The following MYRFL variants were observed in gnomAD, a reference collection of about 807,000 sequenced individuals.
The protein encoded by MYRFL is myelin regulatory factor-like protein.
Under a neutral mutation model 109.4 loss-of-function variants are expected in MYRFL, and 88 were observed. The observed-to-expected ratio is 0.80, with a 90% CI of 0.68 to 0.96. The LOEUF (loss-of-function observed/expected upper bound fraction) is 0.96, where lower values mean the gene tolerates loss of function less well. Among genes scored for constraint, MYRFL ranks in the 40% least tolerant of loss-of-function variants. The pLI is 0.00. For missense variants in MYRFL, 957 were observed against 954.9 expected (o/e 1.00, Z -0.03); for synonymous variants, 324 against 320.9 (o/e 1.01, Z -0.10).
At chr12:69,914,994 G>A (rs1367678576) in intron 13 of MYRFL, among the ~76,000 whole-genome samples, 1 of 152,216 alleles carries the variant, frequency 6.6e-6, no homozygotes, top group Non-Finnish European at 1.5e-5. Flanking sequence ...AGTGTGCTGT[G>A]CCTCACTTCT....
At chr12:69,853,373 G>T (rs1884023663) in intron 1 of MYRFL, among the ~76,000 whole-genome samples, 1 of 151,710 alleles carries the variant, frequency 6.6e-6, no homozygotes, top group Non-Finnish European at 1.5e-5. Context: ...CGGCTGCCGG[G>T]CGGAGGGGCT....
At chr12:69,922,746 T>C (rs1376417259) in intron 13 of MYRFL, among the ~76,000 whole-genome samples, 1 of 152,190 alleles carries the variant, frequency 6.6e-6, no homozygotes, top group African/African-American at 2.4e-5. Context: ...TATTATCAAA[T>C]CCAGTTGGTG....
chr12:69,876,485 C>A (rs1470030617), intron 2 of MYRFL, among the ~76,000 whole-genome samples: 3 of 151,848 alleles, frequency 2.0e-5, no homozygotes, highest in Admixed American at 6.6e-5. Flanking sequence ...GAAAAAAAAA[C>A]GAAAAGAGCT....
intron 1 of MYRFL, among the ~76,000 whole-genome samples, chr12:69,836,916 C>T (rs1189398542): frequency 6.6e-6 from 1 of 152,112 alleles, no homozygotes; most frequent in Non-Finnish European, 1.5e-5. Flanking sequence ...GTTTATTTTG[C>T]CAGTTCATTC....
intron 13 of MYRFL, among the ~76,000 whole-genome samples, chr12:69,911,963 G>A (rs1282855144): frequency 6.6e-6 from 1 of 152,168 alleles, no homozygotes; most frequent in African/African-American, 2.4e-5. Flanking sequence ...ATTCCAACCA[G>A]CCTCCTGGTA....
intron 1 of MYRFL, among the ~76,000 whole-genome samples, chr12:69,852,579 AT>A (rs61145700): frequency 0.046 from 5,136 of 112,184 alleles, 212 homozygotes; most frequent in African/African-American, 0.12. Context: ...TTAATTTTTA[AT>A]TTTTTTTTTT....
chr12:69,948,939 T>G (rs1955904952), intron 19 of MYRFL, among the ~76,000 whole-genome samples: 1 of 152,036 alleles, frequency 6.6e-6, no homozygotes, highest in Admixed American at 6.5e-5. Flanking sequence ...TTTTTGGAGG[T>G]TAAATTGGTC....
rs1458531756 is a variant in MYRFL, at chr12:69,936,154, A to C, written c.1958A>C (p.Asp653Ala). The C allele has an allele frequency of 6.6e-7, 1 of 1,523,268 alleles. No homozygotes were observed. Among genetic ancestry groups the C allele is most frequent in the South Asian group, 1.2e-5 (1 of 83,672 alleles). 94.4% of individuals were successfully genotyped at this position (1,523,268 alleles called of 1,614,324 possible). A position where few individuals can be genotyped will look rare whatever the true frequency, so the allele number is the denominator to read the frequency against. ...GCCCTCTATATACTTAGCTTAAAAG[A>C]TCAAGACCGACGTGTCCCAAATCTC... ...IVALYILSLK[D>A]QDRRVPNLPP... The change falls in exon 17 of 25, where the codon GAT becomes GCT. Residue 653 changes from aspartate (D) to alanine (A), a missense_variant. Physicochemically the swap from Asp to Ala is moderately radical, Grantham distance 126. Coordinates refer to ENST00000552032, the MANE Select transcript of MYRFL (RefSeq NM_182530.3).
chr12:69,939,812 G>A (rs1223700214), intron 19 of MYRFL, among the ~76,000 whole-genome samples: 2 of 152,176 alleles, frequency 1.3e-5, no homozygotes, highest in South Asian at 4.1e-4. Context: ...TTAGAAGAAT[G>A]TATGACTAGA....
At chr12:69,872,555 C>A (rs1300708338) in intron 2 of MYRFL, among the ~76,000 whole-genome samples, 1 of 151,908 alleles carries the variant, frequency 6.6e-6, no homozygotes, top group Non-Finnish European at 1.5e-5. Context: ...GGCTGGAGTG[C>A]GATGGCATGA....
In MYRFL at chr12:69,957,938, C is replaced by T. The variant is rs949225292; in HGVS notation, c.2567C>T (p.Thr856Ile). The T allele has an allele frequency of 7.0e-5, 107 of 1,531,938 alleles. No individual in the cohort carries two copies. The Middle Eastern group carries it at 8.3e-4, about 12-fold the overall frequency. 94.9% of individuals were successfully genotyped at this position (1,531,938 alleles called of 1,614,324 possible). The change falls in exon 23 of 25, where the codon ACA becomes ATA. Residue 856 changes from threonine to isoleucine, a missense_variant. Thr to Ile is a moderately conservative substitution (Grantham distance 89). Coordinates refer to ENST00000552032, the MANE Select transcript of MYRFL (RefSeq NM_182530.3). ...ESHREISQEM[T>I]QGYQHIWSLP... is the part of the protein sequence containing the mutation. ...CACAGAGAAATCTCCCAGGAGATGA[C>T]ACAGGTAATGTTTTCTGCCTCCTCT...
intron 22 of MYRFL, among the ~76,000 whole-genome samples, chr12:69,957,065 G>C (rs1013240258): frequency 3.9e-5 from 6 of 152,090 alleles, no homozygotes; most frequent in African/African-American, 1.4e-4. Flanking sequence ...TGAGATTGTA[G>C]GTTGCCCCAA....
intron 1 of MYRFL, among the ~76,000 whole-genome samples, chr12:69,838,971 G>A (rs747656101): frequency 1.6e-4 from 24 of 152,156 alleles, no homozygotes; most frequent in Admixed American, 2.6e-4. Context: ...AGCCACAAGT[G>A]CAGCTCTCTA....
chr12:69,931,704 C>T (rs931403094), intron 15 of MYRFL, among the ~76,000 whole-genome samples: 2 of 152,146 alleles, frequency 1.3e-5, no homozygotes, highest in Non-Finnish European at 2.9e-5. Flanking sequence ...TTATAGGAAA[C>T]TCATATTTAA....
intron 10 of MYRFL, among the ~76,000 whole-genome samples, chr12:69,902,465 G>C (rs1954225885): frequency 2.0e-5 from 3 of 152,106 alleles, no homozygotes; most frequent in African/African-American, 7.2e-5. Flanking sequence ...CTCCATCCTT[G>C]AGGAAACCAT....
chr12:69,841,044 C>T (rs1019390184), intron 1 of MYRFL, among the ~76,000 whole-genome samples: 5 of 152,288 alleles, frequency 3.3e-5, no homozygotes, highest in Non-Finnish European at 5.9e-5. Flanking sequence ...ACGTTACTTC[C>T]GTTTGAAATA....
At position 69,825,439 on chromosome 12, in the gene MYRFL, G is replaced by A. The variant is rs1031302293; in HGVS notation, c.-79G>A. On this transcript the variant is annotated 5_prime_UTR_variant, in exon 1 of 25. Coordinates refer to ENST00000552032, the MANE Select transcript of MYRFL (RefSeq NM_182530.3). ...TTTTTCAAGAGCATTCGTAGGCTTC[G>A]AATCAAAAGGACAGTACTTATTTCC... The A allele has an allele frequency of 2.2e-5, 15 of 693,272 alleles. No individual in the cohort carries two copies. Among genetic ancestry groups the A allele is most frequent in the East Asian group, 2.1e-4 (8 of 37,218 alleles). The allele number at this position is 693,272 out of a possible 1,614,324, so 42.9% of individuals were successfully genotyped here.
At chr12:69,858,007 C>G (rs1224628191) in intron 2 of MYRFL, among the ~76,000 whole-genome samples, 1 of 151,494 alleles carries the variant, frequency 6.6e-6, no homozygotes, top group Non-Finnish European at 1.5e-5. Context: ...TTTTTTTAAC[C>G]ATGCCCTTTA....
chr12:69,825,449 G>A lies in MYRFL; in HGVS notation c.-69G>A, dbSNP rs1882215064. ...GCATTCGTAGGCTTCGAATCAAAAG[G>A]ACAGTACTTATTTCCTGAGGTCTGA... On this transcript the variant is annotated 5_prime_UTR_variant, in exon 1 of 25. Transcript: ENST00000552032. The A allele has an allele frequency of 2.9e-6, 2 of 696,970 alleles. No homozygotes were observed. The allele number at this position is 696,970 out of a possible 1,614,324, so 43.2% of individuals were successfully genotyped here.
Sources: allele counts gnomAD v4.1 joint callset (sites outside exome capture counted in the v4.1 genomes callset), GRCh38; gene constraint gnomAD v4.1.1; transcripts MANE v1.5; gene names NCBI Gene and HGNC (gene_info 2026-07-23, HGNC 2026-07-21).